The following HPSE2 variants were observed in gnomAD, a reference collection of about 807,000 sequenced individuals.
HPSE2 encodes the protein inactive heparanase-2.
Under a neutral mutation model 60.5 loss-of-function variants are expected in HPSE2, and 38 were observed. The ratio of observed to expected loss-of-function variants is 0.63; its 90% confidence interval spans 0.48 to 0.82. The LOEUF (loss-of-function observed/expected upper bound fraction) is 0.82. Ranked by LOEUF, HPSE2 falls within the 40% of genes least tolerant of loss-of-function variation. HPSE2 has a pLI of 0.00. For synonymous variants in HPSE2, 295 were observed against 293.2 expected, an observed-to-expected ratio of 1.01 and a Z score of -0.06; for missense variants, 713 against 740.4, an observed-to-expected ratio of 0.96 and a Z score of 0.43.
At chr10:98,486,193 C>T (rs1463872166) in intron 10 of HPSE2, among the ~76,000 whole-genome samples, 7 of 152,190 alleles carry the variant, frequency 4.6e-5, no homozygotes, top group South Asian at 2.1e-4. Flanking sequence ...TCTTGGCTGG[C>T]GAGTGCAGCA....
intron 5 of HPSE2, among the ~76,000 whole-genome samples, chr10:98,695,577 A>G (rs949387516): frequency 6.6e-6 from 1 of 152,198 alleles, no homozygotes; most frequent in African/African-American, 2.4e-5. Context: ...GTTCCATTAT[A>G]TAGATTACCA....
At chr10:99,076,534 T>C (rs2135560624) in intron 3 of HPSE2, among the ~76,000 whole-genome samples, 1 of 152,276 alleles carries the variant, frequency 6.6e-6, no homozygotes, top group South Asian at 2.1e-4. Flanking sequence ...ACCACAGGCA[T>C]GAGCCACCAC....
At chr10:99,100,735 C>A (rs192529382) in intron 3 of HPSE2, among the ~76,000 whole-genome samples, 1,822 of 152,190 alleles carry the variant, frequency 0.012, 37 homozygotes, top group African/African-American at 0.041. Context: ...TTAAGGGCAG[C>A]CAGAGAGAAA....
rs576584607 is a variant in HPSE2, at chr10:98,458,033, A to G, written c.*1541T>C. 1 of 152,372 alleles carries G rather than the reference A, an allele frequency of 6.6e-6. No homozygotes were observed. The highest frequency in any genetic ancestry group is 6.5e-5 in the Admixed American group (1 of 15,290). 9.4% of individuals were successfully genotyped at this position (152,372 alleles called of 1,614,324 possible). ...CCCTCTCCCAAATCCACCGTTCTCC[A>G]AGCTCAGAATTCTCTCCCTCCTCTT... On this transcript the variant is annotated 3_prime_UTR_variant, in exon 12 of 12. Coordinates refer to ENST00000370552, the MANE Select transcript of HPSE2 (RefSeq NM_021828.5).
At chr10:98,749,562 T>C (rs1949707509) in intron 3 of HPSE2, among the ~76,000 whole-genome samples, 1 of 151,622 alleles carries the variant, frequency 6.6e-6, no homozygotes, top group Middle Eastern at 3.5e-3. Context: ...TTATATAGTA[T>C]ATAATAGTGC....
chr10:99,076,400 CTTTT>C (rs1426919909), intron 3 of HPSE2, among the ~76,000 whole-genome samples: 2 of 151,850 alleles, frequency 1.3e-5, no homozygotes, highest in Admixed American at 6.6e-5. Context: ...TTCATATTTT[CTTTT>C]TGATACATAG....
At chr10:98,593,391 T>C (rs7908543) in intron 9 of HPSE2, among the ~76,000 whole-genome samples, 8,416 of 152,032 alleles carry the variant, frequency 0.055, 664 homozygotes, top group African/African-American at 0.17. Flanking sequence ...ATGGAAAGCG[T>C]TGGATGGCAT....
In HPSE2 at chr10:99,008,169, A is replaced by T. The variant is rs1267767276; in HGVS notation, c.610+136069T>A. Among the ~76,000 whole-genome samples the T allele has an allele frequency of 2.0e-5, 3 of 152,242 alleles. No homozygotes were observed. The East Asian group carries it at 5.8e-4, about 29-fold the overall frequency. On this transcript the variant is annotated intron_variant, in intron 3 of 11. Coordinates refer to ENST00000370552, the MANE Select transcript of HPSE2 (RefSeq NM_021828.5). ...CTTTCCATCTCCTGATCTTGTTTAC[A>T]TGTGTTTATCTGCAAAAGTTTTAAT...
intron 3 of HPSE2, among the ~76,000 whole-genome samples, chr10:99,129,139 C>T (rs1845282314): frequency 6.6e-6 from 1 of 151,960 alleles, no homozygotes; most frequent in South Asian, 2.1e-4. Flanking sequence ...CTGGAGCTCC[C>T]AAATTTATAA....
chr10:98,661,117 C>G (rs1323875952), intron 6 of HPSE2, among the ~76,000 whole-genome samples: 2 of 152,078 alleles, frequency 1.3e-5, no homozygotes, highest in Non-Finnish European at 2.9e-5. Flanking sequence ...ACTAATGCTC[C>G]CCTGGGAATC....
chr10:99,134,277 G>A (rs1845558716), intron 3 of HPSE2, among the ~76,000 whole-genome samples: 1 of 152,174 alleles, frequency 6.6e-6, no homozygotes, highest in Non-Finnish European at 1.5e-5. Context: ...GGAGAATGGA[G>A]CCAAGTTGGA....
chr10:99,161,769 G>A (rs1342591768), intron 2 of HPSE2, among the ~76,000 whole-genome samples: 1 of 152,050 alleles, frequency 6.6e-6, no homozygotes, highest in Non-Finnish European at 1.5e-5. Flanking sequence ...TAGCCAAAAG[G>A]TAGAAGTAAC....
chr10:99,244,514 C>G, the HPSE2 span, among the ~76,000 whole-genome samples: 1 of 149,422 alleles, frequency 6.7e-6, no homozygotes, highest in Non-Finnish European at 1.5e-5. Context: ...TCAAGCAACC[C>G]TCTCACTTCA....
rs547270189 is a variant in HPSE2, at chr10:99,109,372, T to A, written c.610+34866A>T. ...TTAAATTTTATTTAATTTGGAAACT[T>A]TTTTATCTGGTTAACTTTTTATGAG... On this transcript the variant is annotated intron_variant, in intron 3 of 11. Transcript: ENST00000370552. 3.9e-5 allele frequency among the ~76,000 whole-genome samples: 6 copies of A among 152,230 alleles called. No homozygotes were observed. The South Asian group carries it at 1.2e-3, about 32-fold the overall frequency.
chr10:98,886,751 T>A (rs753710844), intron 3 of HPSE2, among the ~76,000 whole-genome samples: 1 of 152,092 alleles, frequency 6.6e-6, no homozygotes, highest in African/African-American at 2.4e-5. Context: ...CGGAAAAGCA[T>A]AAGACAAGAA....
intron 3 of HPSE2, among the ~76,000 whole-genome samples, chr10:98,862,257 TAGAG>T (rs1379999680): frequency 1.3e-5 from 2 of 152,052 alleles, no homozygotes; most frequent in African/African-American, 2.4e-5. Context: ...GAGAGAGAAA[TAGAG>T]AATTAAAGAG....
chr10:99,144,657 C>T (rs1283951022), intron 2 of HPSE2, among the ~76,000 whole-genome samples: 1 of 152,146 alleles, frequency 6.6e-6, no homozygotes, highest in Admixed American at 6.5e-5. Context: ...ATTCTCACTC[C>T]TCAATTCTCC....
intron 3 of HPSE2, among the ~76,000 whole-genome samples, chr10:98,851,790 T>G (rs1218786804): frequency 6.6e-6 from 1 of 152,180 alleles, no homozygotes; most frequent in Admixed American, 6.5e-5. Flanking sequence ...TATGGGATCA[T>G]ACCAATTATA....
chr10:99,044,393 C>T (rs991257384), intron 3 of HPSE2, among the ~76,000 whole-genome samples: 5 of 152,160 alleles, frequency 3.3e-5, no homozygotes, highest in African/African-American at 1.2e-4. Flanking sequence ...CACCTGCTAC[C>T]ACATAAACAC....
Sources: gnomAD v4.1 joint callset for allele counts (sites outside exome capture counted in the v4.1 genomes callset) on GRCh38, gnomAD v4.1.1 for gene constraint, MANE v1.5 for transcripts, NCBI Gene and HGNC (gene_info 2026-07-23, HGNC 2026-07-21) for gene names.